The following LRCH2 variants were observed in gnomAD, a reference collection of about 807,000 sequenced individuals.
LRCH2 encodes the protein leucine-rich repeat and calponin homology domain-containing protein 2.
LRCH2 carries 38 observed loss-of-function variants against 68.9 expected under a neutral mutation model. The ratio of observed to expected loss-of-function variants is 0.55; its 90% CI spans 0.43 to 0.72. The LOEUF (loss-of-function observed/expected upper bound fraction) is 0.72, where lower values mean the gene tolerates loss of function less well. Ranked by LOEUF, LRCH2 falls within the 30% of genes least tolerant of loss-of-function variation. The pLI is 0.00. For missense variants in LRCH2, 528 were observed against 572.9 expected (o/e 0.92, Z 0.80); for synonymous variants, 191 against 208.1 (o/e 0.92, Z 0.71).
At position 115,218,745 on chromosome X, in the gene LRCH2, G is replaced by T. The variant is rs143547806; in HGVS notation, c.349+14948C>A. ...CAAAGTGGCCAATGGGAATCCTCTA[G>T]CAGGGTATTTGGACCCAAGAACATT... On this transcript the variant is annotated intron_variant, in intron 1 of 20. Coordinates refer to ENST00000317135, the MANE Select transcript of LRCH2 (RefSeq NM_020871.4). Among the ~76,000 whole-genome samples the T allele has an allele frequency of 7.8e-3, 872 of 112,223 alleles. 8 individuals carry two copies. The highest frequency in any genetic ancestry group is 0.027 in the African/African-American group (826 of 30,936).
intron 1 of LRCH2, among the ~76,000 whole-genome samples, chrX:115,199,242 C>CA (rs2072913253): frequency 8.9e-6 from 1 of 112,255 alleles, no homozygotes. Context: ...GAAAAAGAAA[C>CA]AGAGAATTTA....
chrX:115,163,537 T>G, intron 11 of LRCH2, 139 bp downstream of exon 11: 1 of 393,322 alleles, frequency 2.5e-6, no homozygotes, highest in Non-Finnish European at 4.3e-6. Flanking sequence ...GAATACTCAA[T>G]CTGTAGTTAG....
intron 12 of LRCH2, among the ~76,000 whole-genome samples, chrX:115,152,484 G>A (rs782132709): frequency 8.9e-6 from 1 of 111,734 alleles, no homozygotes; most frequent in Non-Finnish European, 1.9e-5. Flanking sequence ...TGCAACATCT[G>A]AAATTAAAAC....
intron 15 of LRCH2, among the ~76,000 whole-genome samples, chrX:115,128,772 G>A: frequency 8.9e-6 from 1 of 112,487 alleles, no homozygotes. Flanking sequence ...CCAGCTAGAT[G>A]ATGGAAGGTG....
rs1556579279 is a variant in LRCH2 at position 115,233,829 on chromosome X, C to A, written c.213G>T (p.Leu71=). Residue 71 remains leucine, a synonymous_variant, in exon 1 of 21, where the codon CTG becomes CTT. Coordinates refer to ENST00000317135, the MANE Select transcript of LRCH2 (RefSeq NM_020871.4). The stretch of plus-strand genomic sequence containing the variant: ...GGCTCCTCACGGTGTGCTGAGGCTG[C>A]AGGCTCCCCGGGTTCCACGGCGGCC... ...PNGPPWNPGS[L]QPQHTVRSLD... The A allele has an allele frequency of 1.7e-6, 2 of 1,168,640 alleles. No individual in the cohort carries two copies.
At chrX:115,141,844 A>C (rs1384242272) in intron 14 of LRCH2, among the ~76,000 whole-genome samples, 1 of 104,041 alleles carries the variant, frequency 9.6e-6, no homozygotes, top group Admixed American at 1.0e-4. Context: ...ATTTCACTCC[A>C]GCCTGGGTGA....
At chrX:115,170,201 C>T in intron 6 of LRCH2, 98 bp downstream of exon 6, 2 of 828,518 alleles carry the variant, frequency 2.4e-6, no homozygotes, top group Non-Finnish European at 3.2e-6. Context: ...CTGGACCAAT[C>T]AGCCTAAATA....
rs782372611 is a variant in LRCH2, at chrX:115,229,918, C to T, written c.349+3775G>A. On this transcript the variant is annotated intron_variant, in intron 1 of 20. Coordinates refer to ENST00000317135, the MANE Select transcript of LRCH2 (RefSeq NM_020871.4). ...GGAAAACACGTGATTATCCAGGACA[C>T]GGCAGAATCTGATGTAAGAATTCCT... Among the ~76,000 whole-genome samples the T allele has an allele frequency of 3.0e-4, 33 of 111,858 alleles. No individual in the cohort carries two copies. In the East Asian group the frequency reaches 6.8e-3, roughly 23 times the overall value.
intron 20 of LRCH2, among the ~76,000 whole-genome samples, chrX:115,118,192 T>C (rs1465271454): frequency 9.2e-6 from 1 of 108,722 alleles, no homozygotes; most frequent in Admixed American, 9.9e-5. Flanking sequence ...AAAAAAAGGG[T>C]TTTTTTTAAC....
In LRCH2 at chrX:115,188,588, T is replaced by C. The variant is rs984426660; in HGVS notation, c.350-218A>G. Among the ~76,000 whole-genome samples the C allele has an allele frequency of 1.4e-3, 152 of 112,298 alleles. 2 individuals are homozygous for C. The highest frequency in any genetic ancestry group is 4.6e-3 in the African/African-American group (141 of 30,903). On this transcript the variant is annotated intron_variant, in intron 1 of 20. Transcript: ENST00000317135. ...GCTCACATCTGTAATACCAGCACTT[T>C]GGGAGGCCAAAGCAGGCAGATCTTT... is the stretch of plus-strand genomic sequence containing the variant.
chrX:115,174,214 T>C (rs890676636), intron 5 of LRCH2, among the ~76,000 whole-genome samples: 2 of 111,763 alleles, frequency 1.8e-5, no homozygotes, highest in African/African-American at 3.3e-5. Flanking sequence ...ACCTTGTTTG[T>C]GTGTGTAGTG....
chrX:115,116,701 A>C (rs929277161), intron 20 of LRCH2, among the ~76,000 whole-genome samples: 5 of 111,498 alleles, frequency 4.5e-5, no homozygotes, highest in Non-Finnish European at 9.5e-5. Context: ...TCTTAAAAAA[A>C]TCAATGTATA....
intron 14 of LRCH2, among the ~76,000 whole-genome samples, chrX:115,146,753 A>G (rs1556536342): frequency 9.1e-6 from 1 of 109,847 alleles, no homozygotes. Context: ...TTTACTTACT[A>G]ACTTAACCTG....
At chrX:115,133,869 A>T (rs1175765251) in intron 14 of LRCH2, among the ~76,000 whole-genome samples, 1 of 111,886 alleles carries the variant, frequency 8.9e-6, no homozygotes, top group Non-Finnish European at 1.9e-5. Context: ...GTGAAAAGAA[A>T]TAGTATGTCT....
At chrX:115,233,612 G>C in intron 1 of LRCH2, 81 bp downstream of exon 1, 2 of 993,765 alleles carry the variant, frequency 2.0e-6, no homozygotes, top group Non-Finnish European at 2.7e-6. Flanking sequence ...GACCCGCAGA[G>C]TCCAACAACG....
intron 11 of LRCH2, among the ~76,000 whole-genome samples, chrX:115,159,176 T>G (rs1556540609): frequency 9.0e-6 from 1 of 111,334 alleles, no homozygotes; most frequent in African/African-American, 3.3e-5. Context: ...TTAACAAATT[T>G]TTAAGTATAC....
chrX:115,234,031 C>T lies in LRCH2; in HGVS notation c.11G>A (p.Ser4Asn). The T allele has an allele frequency of 8.6e-7, 1 of 1,166,070 alleles. No homozygotes were observed. The highest frequency in any genetic ancestry group is 1.1e-6 in the Non-Finnish European group (1 of 872,507). ...CCCACTGTTACCGCCTCCTCCCTGA[C>T]TCGCCGCCATGTTCCTGGGAGAGAG... Reference protein sequence around the residue: MAASQGGGGNSGGG... With the variant: MAANQGGGGNSGGG... Residue 4 changes from serine (S) to asparagine (N), a missense_variant, in exon 1 of 21, where the codon AGT (serine) becomes AAT (asparagine). Ser to Asn is a conservative substitution (Grantham distance 46). Coordinates refer to ENST00000317135, the MANE Select transcript of LRCH2 (RefSeq NM_020871.4).
intron 15 of LRCH2, among the ~76,000 whole-genome samples, chrX:115,127,528 T>C (rs2072209789): frequency 2.7e-5 from 3 of 111,260 alleles, no homozygotes; most frequent in African/African-American, 9.8e-5. Flanking sequence ...ATATCACCCA[T>C]TCAAGGACCT....
intron 14 of LRCH2, among the ~76,000 whole-genome samples, chrX:115,136,503 TC>T (rs1416630052): frequency 2.5e-4 from 28 of 111,003 alleles, no homozygotes; most frequent in Non-Finnish European, 4.9e-4. Context: ...TTGCCTTTTT[TC>T]CCCACATATT....
Sources: gnomAD v4.1 joint callset for allele counts (sites outside exome capture counted in the v4.1 genomes callset) on GRCh38, gnomAD v4.1.1 for gene constraint, MANE v1.5 for transcripts, NCBI Gene and HGNC (gene_info 2026-07-23, HGNC 2026-07-21) for gene names.